Variants in CEPT1 observed in about 807,000 individuals in gnomAD.
CEPT1 encodes choline/ethanolaminephosphotransferase 1.
A neutral mutation model predicts 42.6 loss-of-function variants in CEPT1; 7 were observed. The observed-to-expected ratio is 0.16, with a 90% CI of 0.09 to 0.31. The LOEUF (loss-of-function observed/expected upper bound fraction) is 0.31, where lower values mean the gene tolerates loss of function less well. CEPT1 is among the 10% of genes least tolerant of loss of function. CEPT1 has a pLI of 1.00. For synonymous variants in CEPT1, 171 were observed against 171.9 expected, an observed-to-expected ratio of 0.99 and a Z score of 0.04; for missense variants, 306 against 502.1, an observed-to-expected ratio of 0.61 and a Z score of 3.73.
At position 111,183,607 on chromosome 1, in the gene CEPT1, T is replaced by A; in HGVS notation, c.1131+20T>A. The A allele has an allele frequency of 6.3e-7, 1 of 1,598,590 alleles. No individual in the cohort carries two copies. Among genetic ancestry groups the A allele is most frequent in the African/African-American group, 1.3e-5 (1 of 74,670 alleles). Reference sequence around the variant, plus strand: ...GCCCTGGTAAGTATTGTACTAAGTCTTATTTCATGGTTTGAGGGTTTGAAG... The same window carrying A: ...GCCCTGGTAAGTATTGTACTAAGTCATATTTCATGGTTTGAGGGTTTGAAG... On this transcript the variant is annotated intron_variant, in intron 8 of 8. Transcript: ENST00000357172.
At chr1:111,147,514 T>C (rs1477497067) in intron 1 of CEPT1, 128 bp from the exon 2 acceptor site, 3 of 434,078 alleles carry the variant, frequency 6.9e-6, no homozygotes, top group African/African-American at 4.1e-5. Context: ...CCTTTTCTGG[T>C]CCTGTTTGAT....
Position 111,184,326 on chromosome 1 carries a change from A to G in CEPT1, c.*16A>G, listed in dbSNP as rs370300114. ...TCATCATTAATGATGTAATTGGTATATAGGAACATCATGTTTTCTGCAGGA... is the reference window on the plus strand; with the variant it reads ...TCATCATTAATGATGTAATTGGTATGTAGGAACATCATGTTTTCTGCAGGA... On this transcript the variant is annotated 3_prime_UTR_variant, in exon 9 of 9. Coordinates refer to ENST00000357172, the MANE Select transcript of CEPT1 (RefSeq NM_006090.5). The G allele has an allele frequency of 1.3e-5, 21 of 1,595,620 alleles. No individual in the cohort carries two copies. The highest frequency in any genetic ancestry group is 1.6e-5 in the Non-Finnish European group (19 of 1,169,038).
At chr1:111,153,601 G>A (rs1198649243) in intron 2 of CEPT1, among the ~76,000 whole-genome samples, 1 of 152,158 alleles carries the variant, frequency 6.6e-6, no homozygotes, top group East Asian at 1.9e-4. Context: ...ATACTACTAG[G>A]TCTCACATTT....
At chr1:111,147,604 A>T (rs570378729) in intron 1 of CEPT1, 38 bp from the exon 2 acceptor site, 1 of 697,920 alleles carries the variant, frequency 1.4e-6, no homozygotes, top group African/African-American at 1.8e-5. Flanking sequence ...GTGGCCAACA[A>T]GTGTATTTTT....
intron 5 of CEPT1, among the ~76,000 whole-genome samples, chr1:111,177,788 TA>T (rs1426102418): frequency 6.6e-6 from 1 of 152,162 alleles, no homozygotes; most frequent in African/African-American, 2.4e-5. Flanking sequence ...CCAGACCCAG[TA>T]AACTAGCAAT....
chr1:111,149,226 G>C (rs956447304), intron 2 of CEPT1, among the ~76,000 whole-genome samples: 1 of 145,980 alleles, frequency 6.9e-6, no homozygotes, highest in Non-Finnish European at 1.5e-5. Flanking sequence ...TGCAAATACA[G>C]TCCATACAGA....
intron 1 of CEPT1, among the ~76,000 whole-genome samples, chr1:111,145,612 T>C (rs552154789): frequency 2.0e-5 from 3 of 152,332 alleles, no homozygotes; most frequent in East Asian, 3.9e-4. Context: ...GTCCATGTGG[T>C]TACTCATGAG....
chr1:111,142,096 T>C (rs1019717610), intron 1 of CEPT1, among the ~76,000 whole-genome samples: 5 of 152,158 alleles, frequency 3.3e-5, no homozygotes, highest in Non-Finnish European at 2.9e-5. Context: ...TTCCCCATGC[T>C]AAAGTCCACA....
chr1:111,159,762 T>G (rs1274635871), intron 3 of CEPT1: 1 of 336,776 alleles, frequency 3.0e-6, no homozygotes. Flanking sequence ...GCATCTTTTG[T>G]TTTTAAAAGC....
intron 4 of CEPT1, chr1:111,167,892 C>CTTT: frequency 1.6e-5 from 8 of 512,868 alleles, no homozygotes; most frequent in Non-Finnish European, 1.7e-5. Flanking sequence ...TATCTTTTTC[C>CTTT]TTTTTTTTTT....
intron 2 of CEPT1, among the ~76,000 whole-genome samples, chr1:111,151,562 T>G (rs1655280199): frequency 6.6e-6 from 1 of 152,186 alleles, no homozygotes; most frequent in African/African-American, 2.4e-5. Context: ...ATTTTCTGGA[T>G]AAGTTTGTCT....
chr1:111,162,216 G>T (rs1449659152), intron 4 of CEPT1, among the ~76,000 whole-genome samples: 1 of 152,230 alleles, frequency 6.6e-6, no homozygotes, highest in East Asian at 1.9e-4. Context: ...AGAAAGATCA[G>T]TCTGGCAGTA....
rs78334840 is a variant in CEPT1 at position 111,174,529 on chromosome 1, A to G, written c.630-350A>G. Among the ~76,000 whole-genome samples, 1,060 of 152,140 alleles carry G rather than the reference A, an allele frequency of 7.0e-3. 6 individuals are homozygous for G. The highest frequency in any genetic ancestry group is 0.011 in the Non-Finnish European group (742 of 67,978). On this transcript the variant is annotated intron_variant, in intron 4 of 8. Transcript: ENST00000357172. ...AAGATTTCATATTTTATAACAGTGC[A>G]ATGTAATCCTCTGCTTGATACTCAA...
At chr1:111,151,113 TG>T (rs1655245877) in intron 2 of CEPT1, among the ~76,000 whole-genome samples, 1 of 150,036 alleles carries the variant, frequency 6.7e-6, no homozygotes, top group Admixed American at 6.7e-5. Context: ...GAGCACTGCT[TG>T]TTTTTTTTTG....
chr1:111,181,986 G>A (rs1657016676), intron 5 of CEPT1: 1 of 361,242 alleles, frequency 2.8e-6, no homozygotes, highest in Non-Finnish European at 5.0e-6. Flanking sequence ...TGGCTGAAGT[G>A]AGATTAATTT....
chr1:111,144,484 G>A (rs1654841823), intron 1 of CEPT1, among the ~76,000 whole-genome samples: 1 of 152,158 alleles, frequency 6.6e-6, no homozygotes, highest in African/African-American at 2.4e-5. Flanking sequence ...ATCTGGAAAG[G>A]TTTGTCAAAA....
At chr1:111,151,420 C>G (rs1436557975) in intron 2 of CEPT1, among the ~76,000 whole-genome samples, 1 of 152,202 alleles carries the variant, frequency 6.6e-6, no homozygotes, top group East Asian at 1.9e-4. Flanking sequence ...CCACACCCGG[C>G]CAGCTTGGTA....
At chr1:111,141,269 C>T (rs1571100848) in intron 1 of CEPT1, among the ~76,000 whole-genome samples, 1 of 152,192 alleles carries the variant, frequency 6.6e-6, no homozygotes, top group Non-Finnish European at 1.5e-5. Flanking sequence ...TAGAGCATTA[C>T]TAATTTAGAG....
intron 4 of CEPT1, among the ~76,000 whole-genome samples, chr1:111,163,605 CA>C (rs201584154): frequency 0.043 from 5,674 of 132,400 alleles, 160 homozygotes; most frequent in East Asian, 0.16. Context: ...GAACATGTCT[CA>C]AAAAAAAAAA....
Sources: allele counts gnomAD v4.1 joint callset (sites outside exome capture counted in the v4.1 genomes callset), GRCh38; gene constraint gnomAD v4.1.1; transcripts MANE v1.5; gene names NCBI Gene and HGNC (gene_info 2026-07-23, HGNC 2026-07-21).